LYRM4: variants seen among roughly 807,000 people sequenced by gnomAD.
LYRM4 encodes LYR motif-containing protein 4.
Under a neutral mutation model 11.7 loss-of-function variants are expected in LYRM4, and 9 were observed. The observed-to-expected ratio is 0.77, with a 90% CI of 0.46 to 1.34. The LOEUF (loss-of-function observed/expected upper bound fraction) is 1.34, where lower values mean the gene tolerates loss of function less well. Among genes scored for constraint, LYRM4 ranks in the 40% most tolerant of loss-of-function variants. The pLI is 0.00. For missense variants in LYRM4, 133 were observed against 112.5 expected, an observed-to-expected ratio of 1.18 and a Z score of -0.82; for synonymous variants, 42 against 40.4, an observed-to-expected ratio of 1.04 and a Z score of -0.15.
At chr6:5,201,361 C>T (rs1256808697) in intron 2 of LYRM4, among the ~76,000 whole-genome samples, 2 of 152,178 alleles carry the variant, frequency 1.3e-5, no homozygotes. Context: ...CCAAGAATTT[C>T]AGATCCCTGA....
At chr6:5,162,495 G>A (rs540703316) in intron 2 of LYRM4, among the ~76,000 whole-genome samples, 45 of 146,456 alleles carry the variant, frequency 3.1e-4, no homozygotes, top group African/African-American at 8.0e-4. Flanking sequence ...GACAGAGAGC[G>A]AGCGAGAGAG....
the LYRM4 span, among the ~76,000 whole-genome samples, chr6:5,076,756 G>A: frequency 6.6e-6 from 1 of 152,190 alleles, no homozygotes; most frequent in East Asian, 1.9e-4. Flanking sequence ...TAGAATGTCT[G>A]TAGCAGCCCA....
the LYRM4 span, chr6:5,066,688 A>G: frequency 1.0e-6 from 1 of 952,674 alleles, no homozygotes; most frequent in South Asian, 1.3e-5. Context: ...CACTGCAGCA[A>G]TAGGTGTGGA....
chr6:5,147,681 G>C (rs4959331), intron 2 of LYRM4, among the ~76,000 whole-genome samples: 30,192 of 152,048 alleles, frequency 0.2, 3,622 homozygotes, highest in African/African-American at 0.33. Flanking sequence ...TTCACATTCA[G>C]AAAATATTTC....
intron 1 of LYRM4, among the ~76,000 whole-genome samples, chr6:5,232,790 A>G (rs1763317191): frequency 6.6e-6 from 1 of 152,218 alleles, no homozygotes; most frequent in Non-Finnish European, 1.5e-5. Flanking sequence ...TGAGTTTTCT[A>G]TACGCATAAA....
chr6:5,104,250 A>C (rs1019164021), downstream of LYRM4: 1 of 151,960 alleles, frequency 6.6e-6, no homozygotes, highest in African/African-American at 2.4e-5. Flanking sequence ...AAATCTTTAT[A>C]AGGGTCTTTC....
At chr6:5,159,637 C>T (rs1284484281) in intron 2 of LYRM4, among the ~76,000 whole-genome samples, 4 of 152,214 alleles carry the variant, frequency 2.6e-5, no homozygotes, top group African/African-American at 4.8e-5. Flanking sequence ...TCCCACTGGG[C>T]GAGCACACCT....
intron 1 of LYRM4, among the ~76,000 whole-genome samples, chr6:5,257,038 C>T (rs1448507620): frequency 6.6e-6 from 1 of 152,194 alleles, no homozygotes; most frequent in Non-Finnish European, 1.5e-5. Context: ...CTAATCTCTA[C>T]TCTGCACTGT....
At chr6:5,058,264 T>C in the LYRM4 span, among the ~76,000 whole-genome samples, 1 of 152,172 alleles carries the variant, frequency 6.6e-6, no homozygotes, top group South Asian at 2.1e-4. Context: ...CATGGGGTCA[T>C]TAATGAAACC....
chr6:5,118,095 T>TATATATA (rs34304149), intron 2 of LYRM4, among the ~76,000 whole-genome samples: 3 of 96,880 alleles, frequency 3.1e-5, no homozygotes, highest in South Asian at 3.7e-4. Flanking sequence ...TATATATATA[T>TATATATA]TTTTGTTTTG....
At chr6:5,137,573 C>T (rs1757168306) in intron 2 of LYRM4, among the ~76,000 whole-genome samples, 1 of 152,198 alleles carries the variant, frequency 6.6e-6, no homozygotes, top group South Asian at 2.1e-4. Flanking sequence ...CTCAGTTCCT[C>T]CTCACAGAGG....
the LYRM4 span, among the ~76,000 whole-genome samples, chr6:5,093,884 T>C: frequency 6.6e-6 from 1 of 152,234 alleles, no homozygotes; most frequent in African/African-American, 2.4e-5. Context: ...GAAAATGCAA[T>C]GTAGCCTCGC....
chr6:5,203,419 G>C (rs932207758), intron 2 of LYRM4, among the ~76,000 whole-genome samples: 2 of 152,126 alleles, frequency 1.3e-5, no homozygotes, highest in African/African-American at 2.4e-5. Context: ...CTGAATTTGA[G>C]AACACCTTTA....
chr6:5,068,701 G>C, the LYRM4 span, among the ~76,000 whole-genome samples: 1 of 151,962 alleles, frequency 6.6e-6, no homozygotes, highest in Non-Finnish European at 1.5e-5. This position sits in a 1 kb window ranked among gnomAD's most constrained non-coding sequence, Gnocchi z 4.0. Context: ...GGGGAGTCTG[G>C]GGAAAAAACG....
chr6:5,077,007 G>C, the LYRM4 span, among the ~76,000 whole-genome samples: 3 of 152,158 alleles, frequency 2.0e-5, no homozygotes, highest in African/African-American at 7.2e-5. Flanking sequence ...CCTCCCTCAG[G>C]AGCTTCCTCG....
rs922463099 is a variant in LYRM4, at chr6:5,260,788, C to T, written c.-55G>A. 4.6e-6 allele frequency: 7 copies of T among 1,534,880 alleles called. No homozygotes were observed. The Admixed American group carries it at 9.9e-5, about 22-fold the overall frequency. On this transcript the variant is annotated 5_prime_UTR_variant, in exon 1 of 3. Transcript: ENST00000330636. ...TCTTCGCCGAGGTCCCAAGTACGAC[C>T]CAACCCACGAAACTCCAGCCTGTGC...
At chr6:5,143,218 A>AGTGGAGTCTGATGCCAT (rs58528949) in intron 2 of LYRM4, among the ~76,000 whole-genome samples, 3 of 151,946 alleles carry the variant, frequency 2.0e-5, no homozygotes, top group Admixed American at 1.3e-4. Flanking sequence ...CTTCTGTGTG[A>AGTGGAGTCTGATGCCAT]GTCAGCACAC....
intron 1 of LYRM4, among the ~76,000 whole-genome samples, chr6:5,218,617 G>A (rs1174578243): frequency 6.6e-6 from 1 of 152,204 alleles, no homozygotes; most frequent in East Asian, 1.9e-4. Context: ...AACCCTCTGT[G>A]AACCAGCTGG....
At chr6:5,034,926 G>A in the LYRM4 span, among the ~76,000 whole-genome samples, 3 of 151,594 alleles carry the variant, frequency 2.0e-5, no homozygotes, top group Non-Finnish European at 2.9e-5. Flanking sequence ...CAGGCGAGGC[G>A]AGTTTTGCAG....
Sources: gnomAD v4.1 joint callset for allele counts (sites outside exome capture counted in the v4.1 genomes callset) on GRCh38, gnomAD v4.1.1 for gene constraint, Gnocchi (gnomAD v3.1) non-coding constraint, MANE v1.5 for transcripts, NCBI Gene and HGNC (gene_info 2026-07-23, HGNC 2026-07-21) for gene names.